The following ARB2A variants were observed in gnomAD, a reference collection of about 807,000 sequenced individuals.
ARB2A encodes cotranscriptional regulator ARB2A.
the ARB2A span, among the ~76,000 whole-genome samples, chr5:94,106,463 A>C: frequency 6.6e-6 from 1 of 152,190 alleles, no homozygotes; most frequent in African/African-American, 2.4e-5. Flanking sequence ...ATTGTTAAAA[A>C]GTCAAAAAAT....
chr5:93,843,239 A>G, the ARB2A span, among the ~76,000 whole-genome samples: 1 of 152,308 alleles, frequency 6.6e-6, no homozygotes, highest in South Asian at 2.1e-4. Flanking sequence ...GATAAATATG[A>G]ATAGACTGCC....
At chr5:93,826,837 C>T in the ARB2A span, among the ~76,000 whole-genome samples, 2 of 145,432 alleles carry the variant, frequency 1.4e-5, no homozygotes, top group Non-Finnish European at 3.0e-5. Context: ...TGAGTGAGAA[C>T]ATGCGGTGTT....
At chr5:93,669,770 A>G in the ARB2A span, among the ~76,000 whole-genome samples, 2 of 152,180 alleles carry the variant, frequency 1.3e-5, no homozygotes, top group Non-Finnish European at 2.9e-5. Flanking sequence ...TTCTAATCAT[A>G]CACACTGTTG....
the ARB2A span, among the ~76,000 whole-genome samples, chr5:93,883,695 G>GT: frequency 2.0e-5 from 3 of 151,342 alleles, no homozygotes; most frequent in African/African-American, 7.3e-5. Flanking sequence ...CCCACCAAAA[G>GT]TAAGTTAAAG....
the ARB2A span, among the ~76,000 whole-genome samples, chr5:93,786,666 C>T: frequency 6.6e-6 from 1 of 152,130 alleles, no homozygotes; most frequent in Non-Finnish European, 1.5e-5. Flanking sequence ...ACCTCTGTTC[C>T]ATCCTTGCTG....
At chr5:93,836,152 C>T in the ARB2A span, among the ~76,000 whole-genome samples, 9 of 152,144 alleles carry the variant, frequency 5.9e-5, no homozygotes, top group Non-Finnish European at 1.0e-4. Flanking sequence ...CTCAGCCTCC[C>T]GAGTAGCTGG....
At chr5:93,946,408 G>T in the ARB2A span, among the ~76,000 whole-genome samples, 2 of 152,134 alleles carry the variant, frequency 1.3e-5, no homozygotes, top group South Asian at 4.1e-4. Context: ...AGAGACGAAT[G>T]AAGATCTGAA....
the ARB2A span, among the ~76,000 whole-genome samples, chr5:94,004,181 A>G: frequency 1.3e-5 from 2 of 152,216 alleles, no homozygotes; most frequent in African/African-American, 4.8e-5. Flanking sequence ...CCATATGCAA[A>G]AATTAACTCA....
At chr5:93,667,076 T>C in the ARB2A span, among the ~76,000 whole-genome samples, 3 of 152,218 alleles carry the variant, frequency 2.0e-5, no homozygotes, top group African/African-American at 7.2e-5. Context: ...GATTTAAGTC[T>C]TATCAGTTCT....
At chr5:93,843,036 A>G in the ARB2A span, among the ~76,000 whole-genome samples, 1 of 152,210 alleles carries the variant, frequency 6.6e-6, no homozygotes, top group Non-Finnish European at 1.5e-5. Context: ...CTTCAGGCAA[A>G]AGACTGGAAG....
At chr5:93,685,307 G>T in the ARB2A span, among the ~76,000 whole-genome samples, 1 of 152,040 alleles carries the variant, frequency 6.6e-6, no homozygotes, top group Admixed American at 6.5e-5. Context: ...TAGCAGCAAA[G>T]AATTTAGGTT....
At chr5:93,784,178 G>C in the ARB2A span, 1 of 486,718 alleles carries the variant, frequency 2.1e-6, no homozygotes, top group East Asian at 3.5e-5. Context: ...AAACCAAAAA[G>C]AAGGGAGGGG....
chr5:93,891,606 G>A, the ARB2A span, among the ~76,000 whole-genome samples: 24 of 152,068 alleles, frequency 1.6e-4, no homozygotes, highest in African/African-American at 5.8e-4. Flanking sequence ...TCTTTTTGCT[G>A]GAACATTAAG....
At chr5:94,040,351 A>C in the ARB2A span, among the ~76,000 whole-genome samples, 1 of 151,638 alleles carries the variant, frequency 6.6e-6, no homozygotes, top group Non-Finnish European at 1.5e-5. Flanking sequence ...CAGCCGCCTG[A>C]ACTTTTTTTT....
chr5:93,898,256 G>C, the ARB2A span, among the ~76,000 whole-genome samples: 1 of 151,700 alleles, frequency 6.6e-6, no homozygotes, highest in Non-Finnish European at 1.5e-5. Flanking sequence ...GATCTTCCTG[G>C]ATTTTCCTTA....
chr5:93,664,635 AT>A, the ARB2A span, among the ~76,000 whole-genome samples: 1,152 of 143,992 alleles, frequency 8.0e-3, 11 homozygotes, highest in African/African-American at 0.027. Flanking sequence ...CGTCTCAAAA[AT>A]ATATATATAT....
the ARB2A span, among the ~76,000 whole-genome samples, chr5:93,941,791 CAGGT>C: frequency 6.6e-6 from 1 of 152,116 alleles, no homozygotes; most frequent in African/African-American, 2.4e-5. Context: ...GGTGCAGACA[CAGGT>C]AGAGGAATAG....
chr5:93,798,163 C>T, the ARB2A span, among the ~76,000 whole-genome samples: 1 of 152,088 alleles, frequency 6.6e-6, no homozygotes. Context: ...TCCTTACCCA[C>T]TTCCATAAGA....
At chr5:94,041,415 T>A in the ARB2A span, among the ~76,000 whole-genome samples, 5 of 152,076 alleles carry the variant, frequency 3.3e-5, no homozygotes, top group African/African-American at 1.2e-4. Context: ...AGGTTTAGGG[T>A]CCAATTCCTG....
Sources: gnomAD v4.1 joint callset for allele counts (sites outside exome capture counted in the v4.1 genomes callset) on GRCh38, gnomAD v4.1.1 for gene constraint, MANE v1.5 for transcripts, NCBI Gene and HGNC (gene_info 2026-07-23, HGNC 2026-07-21) for gene names.